The following ERBB4 variants were observed in gnomAD, a reference collection of about 807,000 sequenced individuals.
The protein encoded by ERBB4 is erb-b2 receptor tyrosine kinase 4, also known as receptor tyrosine-protein kinase erbB-4.
A neutral mutation model predicts 158.0 loss-of-function variants in ERBB4; 42 were observed. That is an observed-to-expected ratio of 0.27 (90% confidence interval 0.21 to 0.34). The LOEUF is 0.34. Ranked by LOEUF, ERBB4 falls within the 10% of genes least tolerant of loss-of-function variation. ERBB4 has a pLI of 1.00. For missense variants in ERBB4, 1,333 were observed against 1,624.1 expected (o/e 0.82, Z 3.08); for synonymous variants, 583 against 558.7 (o/e 1.04, Z -0.61).
chr2:212,167,842 GA>G (rs2081394141), intron 1 of ERBB4, among the ~76,000 whole-genome samples: 1 of 152,012 alleles, frequency 6.6e-6, no homozygotes, highest in Non-Finnish European at 1.5e-5. Flanking sequence ...TACAGGAACA[GA>G]AAACCAAACA....
At chr2:211,680,796 A>C (rs1458330129) in intron 12 of ERBB4, among the ~76,000 whole-genome samples, 1 of 152,218 alleles carries the variant, frequency 6.6e-6, no homozygotes, top group Non-Finnish European at 1.5e-5. Flanking sequence ...CTTCTTGAAT[A>C]ATCTCTTTCA....
intron 3 of ERBB4, among the ~76,000 whole-genome samples, chr2:211,917,242 C>G (rs1358747029): frequency 6.6e-6 from 1 of 152,112 alleles, no homozygotes; most frequent in Non-Finnish European, 1.5e-5. Context: ...ATTGGTAAAA[C>G]ATAATTTCCA....
At chr2:211,389,792 T>C (rs921475992) in intron 25 of ERBB4, among the ~76,000 whole-genome samples, 11 of 152,174 alleles carry the variant, frequency 7.2e-5, no homozygotes, top group African/African-American at 2.7e-4. Flanking sequence ...TTATTATTAA[T>C]AAATATGAAG....
chr2:211,593,349 G>A (rs1300805982), intron 19 of ERBB4, among the ~76,000 whole-genome samples: 1 of 152,148 alleles, frequency 6.6e-6, no homozygotes, highest in Admixed American at 6.5e-5. Context: ...AAGTGGAAAC[G>A]TTGAGTGTAA....
At chr2:211,732,231 G>A (rs1023398806) in intron 5 of ERBB4, among the ~76,000 whole-genome samples, 20 of 152,058 alleles carry the variant, frequency 1.3e-4, no homozygotes, top group African/African-American at 4.8e-4. Context: ...CACAGAGGAA[G>A]GCTTCATCAT....
chr2:211,456,032 A>G (rs1445650997), intron 20 of ERBB4, among the ~76,000 whole-genome samples: 1 of 152,236 alleles, frequency 6.6e-6, no homozygotes, highest in African/African-American at 2.4e-5. Flanking sequence ...ATACATATAC[A>G]GGGTTTTGCA....
chr2:211,752,999 T>G (rs1403395806), intron 4 of ERBB4, among the ~76,000 whole-genome samples: 2 of 152,218 alleles, frequency 1.3e-5, no homozygotes, highest in Non-Finnish European at 2.9e-5. Flanking sequence ...CTTATTTAAC[T>G]TTCTCTCTGG....
At chr2:211,418,686 T>A (rs1231004093) in intron 25 of ERBB4, among the ~76,000 whole-genome samples, 1 of 152,122 alleles carries the variant, frequency 6.6e-6, no homozygotes, top group Admixed American at 6.5e-5. Flanking sequence ...AAAACTATTT[T>A]TTTTTAAATT....
chr2:212,506,567 T>C (rs539331137), intron 1 of ERBB4, among the ~76,000 whole-genome samples: 1 of 150,072 alleles, frequency 6.7e-6, no homozygotes, highest in East Asian at 1.9e-4. Flanking sequence ...TTATTGCTCA[T>C]ATGGAGAAAA....
intron 19 of ERBB4, among the ~76,000 whole-genome samples, chr2:211,607,428 G>T (rs1216043523): frequency 6.6e-6 from 1 of 152,136 alleles, no homozygotes; most frequent in Non-Finnish European, 1.5e-5. Flanking sequence ...TTTTCTAACA[G>T]ATAATGGAAT....
intron 2 of ERBB4, among the ~76,000 whole-genome samples, chr2:212,103,389 G>T (rs1559503008): frequency 6.6e-6 from 1 of 151,684 alleles, no homozygotes; most frequent in African/African-American, 2.4e-5. Context: ...AAAGAAACAG[G>T]TAAAATTATT....
chr2:211,798,210 T>A (rs945097287), intron 3 of ERBB4, among the ~76,000 whole-genome samples: 1 of 152,012 alleles, frequency 6.6e-6, no homozygotes, highest in African/African-American at 2.4e-5. Context: ...CCACAACAAA[T>A]TAGTTTTGCC....
chr2:211,858,925 G>A (rs1219487307), intron 3 of ERBB4, among the ~76,000 whole-genome samples: 1 of 152,044 alleles, frequency 6.6e-6, no homozygotes, highest in Non-Finnish European at 1.5e-5. Flanking sequence ...GGGATTACAG[G>A]CATGCACCAC....
intron 20 of ERBB4, among the ~76,000 whole-genome samples, chr2:211,501,893 T>G (rs1017752973): frequency 1.3e-5 from 2 of 152,092 alleles, no homozygotes; most frequent in African/African-American, 4.8e-5. Flanking sequence ...TTGAGCAGTG[T>G]GAGGCCACAT....
intron 15 of ERBB4, among the ~76,000 whole-genome samples, chr2:211,659,685 A>T (rs1427380433): frequency 1.3e-5 from 2 of 152,186 alleles, no homozygotes; most frequent in Non-Finnish European, 2.9e-5. Context: ...AATATGAAAG[A>T]TACTCATTCA....
chr2:211,876,381 G>A (rs1343791300), intron 3 of ERBB4, among the ~76,000 whole-genome samples: 2 of 152,160 alleles, frequency 1.3e-5, no homozygotes, highest in Non-Finnish European at 2.9e-5. Flanking sequence ...AGAGGAAGGA[G>A]AAGAATTACA....
intron 1 of ERBB4, among the ~76,000 whole-genome samples, chr2:212,518,900 C>A (rs1283659364): frequency 2.0e-5 from 3 of 151,820 alleles, no homozygotes; most frequent in African/African-American, 7.3e-5. Context: ...GCATGTCAGG[C>A]AATAATCCTA....
At chr2:212,216,622 CA>C (rs2083107671) in intron 1 of ERBB4, among the ~76,000 whole-genome samples, 1 of 150,698 alleles carries the variant, frequency 6.6e-6, no homozygotes, top group South Asian at 2.1e-4. Flanking sequence ...TGAATATACA[CA>C]AAAAAAGAAA....
chr2:212,109,918 T>C (rs988875568), intron 2 of ERBB4, among the ~76,000 whole-genome samples: 3 of 152,122 alleles, frequency 2.0e-5, no homozygotes, highest in Non-Finnish European at 4.4e-5. Context: ...ATCTTTAAAG[T>C]TAAATTTTGT....
Sources: allele counts gnomAD v4.1 joint callset (sites outside exome capture counted in the v4.1 genomes callset), GRCh38; gene constraint gnomAD v4.1.1; transcripts MANE v1.5; gene names NCBI Gene and HGNC (gene_info 2026-07-23, HGNC 2026-07-21).